Variants in RASA1 observed in about 807,000 individuals in gnomAD.
RASA1 encodes the protein ras GTPase-activating protein 1.
A neutral mutation model predicts 132.2 loss-of-function variants in RASA1; 25 were observed. The ratio of observed to expected loss-of-function variants is 0.19; its 90% CI spans 0.14 to 0.26. The LOEUF is 0.26. Ranked by LOEUF, RASA1 falls within the 10% of genes least tolerant of loss-of-function variation. RASA1 has a pLI of 1.00. For missense variants in RASA1, 964 were observed against 1,299.2 expected, an observed-to-expected ratio of 0.74 and a Z score of 3.97; for synonymous variants, 477 against 449.9, an observed-to-expected ratio of 1.06 and a Z score of -0.76.
intron 1 of RASA1, among the ~76,000 whole-genome samples, chr5:87,287,588 CACCATACATATACACGCCATATATAT>C (rs1179062443): frequency 1.4e-5 from 2 of 144,786 alleles, no homozygotes; most frequent in South Asian, 2.2e-4. Context: ...CATATATATA[CACCATACATATACACGCCATATATAT>C]ACCATACATA....
At chr5:87,310,250 G>A (rs1755812562) in intron 1 of RASA1, among the ~76,000 whole-genome samples, 1 of 151,592 alleles carries the variant, frequency 6.6e-6, no homozygotes, top group Non-Finnish European at 1.5e-5. Context: ...AAGAAAATAA[G>A]GAATTTTAAA....
chr5:87,333,592 T>G (rs939983591), intron 4 of RASA1, among the ~76,000 whole-genome samples: 1 of 152,194 alleles, frequency 6.6e-6, no homozygotes, highest in Non-Finnish European at 1.5e-5. Flanking sequence ...TCTCACAAAG[T>G]AAGGAGAGTT....
chr5:87,305,468 T>G (rs1755565916), intron 1 of RASA1, among the ~76,000 whole-genome samples: 1 of 152,180 alleles, frequency 6.6e-6, no homozygotes, highest in Admixed American at 6.5e-5. Context: ...GACCCTTTCC[T>G]TACACCATAT....
intron 1 of RASA1, among the ~76,000 whole-genome samples, chr5:87,302,041 A>G (rs905679652): frequency 3.9e-5 from 6 of 152,266 alleles, no homozygotes; most frequent in South Asian, 4.1e-4. Flanking sequence ...ATGTATAGAC[A>G]TTTATGTTAT....
chr5:87,272,006 G>T (rs114982251), intron 1 of RASA1, among the ~76,000 whole-genome samples: 1,793 of 151,812 alleles, frequency 0.012, 27 homozygotes, highest in African/African-American at 0.041. Flanking sequence ...AAAAAAATCA[G>T]CCGGTCGTGT....
chr5:87,269,269 C>A (rs898182262), intron 1 of RASA1: 2 of 1,537,460 alleles, frequency 1.3e-6, no homozygotes, highest in African/African-American at 2.7e-5. Flanking sequence ...GGATATAGTT[C>A]TGTCCCTTCC....
chr5:87,341,149 C>A, intron 5 of RASA1, 141 bp from the exon 6 acceptor site: 1 of 465,744 alleles, frequency 2.1e-6, no homozygotes, highest in Non-Finnish European at 3.4e-6. Flanking sequence ...AAGATATTTA[C>A]TGAACAGAAA....
intron 23 of RASA1, among the ~76,000 whole-genome samples, chr5:87,387,212 TTC>T (rs1442057949): frequency 1.3e-5 from 2 of 152,110 alleles, no homozygotes; most frequent in East Asian, 3.9e-4. Flanking sequence ...TGCCATGACA[TTC>T]TGTTGCCTCC....
chr5:87,313,203 G>A (rs1756052462), intron 1 of RASA1, among the ~76,000 whole-genome samples: 1 of 152,152 alleles, frequency 6.6e-6, no homozygotes, highest in African/African-American at 2.4e-5. Flanking sequence ...ATTTTATACT[G>A]GGTGAGTTTA....
In RASA1 at chr5:87,331,026, T is replaced by C. The variant is rs544670217; in HGVS notation, c.540-322T>C. The C allele has an allele frequency of 2.4e-5, 32 of 1,323,368 alleles. No homozygotes were observed. The East Asian group carries it at 7.7e-4, about 32-fold the overall frequency. 82.0% of individuals were successfully genotyped at this position (1,323,368 alleles called of 1,614,324 possible). ...TCCATTTGTCTATCTTTTATTTTTC[T>C]AAGTAAAGATCTGGTTGCAGTAGTG... On this transcript the variant is annotated intron_variant, in intron 1 of 24. Coordinates refer to ENST00000274376, the MANE Select transcript of RASA1 (RefSeq NM_002890.3).
chr5:87,278,909 CTTTTTTTTTTT>C (rs58122450), intron 1 of RASA1, among the ~76,000 whole-genome samples: 1 of 84,012 alleles, frequency 1.2e-5, no homozygotes. Context: ...CTAATTTGTT[CTTTTTTTTTTT>C]TTTTTTTTTT....
chr5:87,331,541 A>G (rs1179956162), intron 2 of RASA1, 41 bp downstream of exon 2: 2 of 1,591,816 alleles, frequency 1.3e-6, no homozygotes, highest in South Asian at 1.1e-5. Context: ...TGATGTAGCT[A>G]TTTTGATATA....
intron 1 of RASA1, among the ~76,000 whole-genome samples, chr5:87,287,228 T>C (rs1754645351): frequency 6.9e-6 from 1 of 145,128 alleles, no homozygotes; most frequent in South Asian, 2.2e-4. Flanking sequence ...ACCGTATATA[T>C]ACACACCATA....
At chr5:87,331,591 C>T (rs1757604172) in intron 2 of RASA1, 91 bp downstream of exon 2, 2 of 1,380,256 alleles carry the variant, frequency 1.4e-6, no homozygotes, top group Non-Finnish European at 1.0e-6. Context: ...GTGAATGACT[C>T]AGTAACAAAT....
At chr5:87,302,592 T>A (rs1755415365) in intron 1 of RASA1, among the ~76,000 whole-genome samples, 1 of 151,580 alleles carries the variant, frequency 6.6e-6, no homozygotes, top group Non-Finnish European at 1.5e-5. Flanking sequence ...TATACTATAG[T>A]ATACTATACT....
chr5:87,297,679 T>C lies in RASA1; in HGVS notation c.539+28689T>C, dbSNP rs530931795. Among the ~76,000 whole-genome samples the C allele has an allele frequency of 6.6e-5, 10 of 152,342 alleles. No homozygotes were observed. The South Asian group carries it at 1.7e-3, about 25-fold the overall frequency. ...AGGCCTTGTTAAGAACTGATTGCTCTGGCGTATTTCAAAATTGTTCTTTTT... is the reference window on the plus strand; with the variant it reads ...AGGCCTTGTTAAGAACTGATTGCTCCGGCGTATTTCAAAATTGTTCTTTTT... On this transcript the variant is annotated intron_variant, in intron 1 of 24. Transcript: ENST00000274376.
rs1761214742 is a variant in RASA1 at position 87,374,848 on chromosome 5, C to T, written c.1943C>T (p.Pro648Leu). The change falls in exon 15 of 25, where the codon CCT (proline) becomes CTT (leucine). Residue 648 changes from proline (P) to leucine (L), a missense_variant. This residue lies in a region of RASA1 where 346 missense variants were observed against 520.1 expected (regional missense o/e 0.67). Transcript: ENST00000274376. ...WSEEFVFDDL[P>L]PDINRFEITL... ...TCTCCTTGCTCCTTTAGTGATCTTC[C>T]TCCTGACATCAATAGATTTGAAATA... The T allele has an allele frequency of 1.9e-6, 3 of 1,609,028 alleles. No individual in the cohort carries two copies. The highest frequency in any genetic ancestry group is 1.7e-4 in the Middle Eastern group (1 of 6,030).
At chr5:87,332,744 T>C (rs1178881568) in intron 3 of RASA1, 102 bp downstream of exon 3, 1 of 1,172,544 alleles carries the variant, frequency 8.5e-7, no homozygotes, top group Non-Finnish European at 1.2e-6. Flanking sequence ...ATTCAAGAAG[T>C]ATTTGTTGTA....
At chr5:87,291,208 A>G (rs1241692992) in intron 1 of RASA1, among the ~76,000 whole-genome samples, 1 of 152,176 alleles carries the variant, frequency 6.6e-6, no homozygotes, top group Non-Finnish European at 1.5e-5. Context: ...ATGATGATAT[A>G]TAATGGTTTG....
Sources: allele counts gnomAD v4.1 joint callset (sites outside exome capture counted in the v4.1 genomes callset), GRCh38; gene constraint gnomAD v4.1.1; regional missense constraint gnomAD v4.1.1; transcripts MANE v1.5; gene names NCBI Gene and HGNC (gene_info 2026-07-23, HGNC 2026-07-21).